The following BAZ2B variants were observed in gnomAD, a reference collection of about 807,000 sequenced individuals.
BAZ2B encodes bromodomain adjacent to zinc finger domain protein 2B.
BAZ2B carries 91 observed loss-of-function variants against 246.0 expected under a neutral mutation model. That is an observed-to-expected ratio of 0.37 (90% confidence interval 0.31 to 0.44). BAZ2B has a LOEUF of 0.44. Ranked by LOEUF, BAZ2B falls within the 20% of genes least tolerant of loss-of-function variation. The pLI, the probability that BAZ2B is intolerant of heterozygous loss-of-function variation, is 1.00. For synonymous variants in BAZ2B, 855 were observed against 860.0 expected (o/e 0.99, Z 0.10); for missense variants, 2,332 against 2,533.7 (o/e 0.92, Z 1.71).
At position 159,398,834 on chromosome 2, in the gene BAZ2B, T is replaced by A. The variant is rs777860227; in HGVS notation, c.2959A>T (p.Ile987Leu). ...NAKLLEAEKR[I>L]KEKEMRRQQA... ...TGATTCTCATCTAAACTAACCTTTA[T>A]TCGTTTCTCGGCCTCCAATAATTTG... is the stretch of plus-strand genomic sequence containing the variant. Residue 987 changes from isoleucine (I) to leucine (L), a missense_variant, in exon 18 of 37, where the codon ATA becomes TTA. Ile to Leu is a conservative substitution (Grantham distance 5). This residue lies in a region of BAZ2B where 328 missense variants were observed against 410.4 expected (regional missense o/e 0.80). Transcript: ENST00000392783. 12 of 1,610,752 alleles carry A rather than the reference T, an allele frequency of 7.4e-6. No individual in the cohort carries two copies. The South Asian group carries it at 1.1e-4, about 15-fold the overall frequency.
At chr2:159,548,801 A>G (rs572629440) in intron 2 of BAZ2B, among the ~76,000 whole-genome samples, 32 of 152,248 alleles carry the variant, frequency 2.1e-4, no homozygotes, top group South Asian at 1.5e-3. Flanking sequence ...CCTGTTTCTA[A>G]AAATAAAAAC....
the BAZ2B span, among the ~76,000 whole-genome samples, chr2:159,700,774 T>C: frequency 6.6e-6 from 1 of 152,172 alleles, no homozygotes; most frequent in African/African-American, 2.4e-5. Context: ...TGTTTTTTTT[T>C]CCTTGAATAT....
intron 2 of BAZ2B, among the ~76,000 whole-genome samples, chr2:159,523,597 G>A (rs981254902): frequency 6.6e-6 from 1 of 151,890 alleles, no homozygotes; most frequent in Admixed American, 6.6e-5. Flanking sequence ...CCAGCTGCTC[G>A]GGAGGCTGAG....
chr2:159,655,245 CA>C, the BAZ2B span, among the ~76,000 whole-genome samples: 3 of 152,128 alleles, frequency 2.0e-5, no homozygotes, highest in African/African-American at 7.2e-5. Flanking sequence ...GCTAAAAATA[CA>C]AAAATCTCTG....
At chr2:159,699,673 C>T in the BAZ2B span, among the ~76,000 whole-genome samples, 3 of 152,266 alleles carry the variant, frequency 2.0e-5, no homozygotes, top group East Asian at 5.8e-4. Context: ...TCAGTCACTC[C>T]TAATGTTGCT....
the BAZ2B span, among the ~76,000 whole-genome samples, chr2:159,691,720 A>T: frequency 6.6e-6 from 1 of 152,200 alleles, no homozygotes; most frequent in Admixed American, 6.5e-5. Flanking sequence ...GTGTTACTCA[A>T]GGTTTACGGT....
chr2:159,451,052 A>G (rs763979251), intron 4 of BAZ2B, among the ~76,000 whole-genome samples: 11 of 152,180 alleles, frequency 7.2e-5, no homozygotes, highest in Non-Finnish European at 1.0e-4. Context: ...CAAAGATTCT[A>G]TTAATAATAT....
At chr2:159,359,679 T>C (rs940336173) in intron 27 of BAZ2B, among the ~76,000 whole-genome samples, 1 of 152,184 alleles carries the variant, frequency 6.6e-6, no homozygotes, top group Non-Finnish European at 1.5e-5. Context: ...CCAATATCCC[T>C]GATGAACATC....
intron 27 of BAZ2B, 39 bp from the exon 28 acceptor site, chr2:159,350,396 A>G (rs772882988): frequency 3.5e-6 from 5 of 1,417,688 alleles, no homozygotes. Flanking sequence ...CAGTTACTCC[A>G]GATCAAACCA....
intron 34 of BAZ2B, among the ~76,000 whole-genome samples, chr2:159,330,091 A>G (rs1017091071): frequency 2.6e-5 from 4 of 152,238 alleles, no homozygotes; most frequent in Non-Finnish European, 5.9e-5. Flanking sequence ...TAATCAAAAA[A>G]TGACTATTAG....
At chr2:159,577,547 T>A (rs1422093320) in intron 1 of BAZ2B, among the ~76,000 whole-genome samples, 1 of 152,180 alleles carries the variant, frequency 6.6e-6, no homozygotes, top group Non-Finnish European at 1.5e-5. Flanking sequence ...CTTGGTCCAA[T>A]GATTGTTTTC....
At chr2:159,574,152 C>T (rs1343838614) in intron 1 of BAZ2B, among the ~76,000 whole-genome samples, 31 of 150,934 alleles carry the variant, frequency 2.1e-4, no homozygotes, top group East Asian at 1.4e-3. Context: ...TACACACACA[C>T]ACACACACAC....
At chr2:159,480,907 T>C (rs1187968163) in intron 2 of BAZ2B, among the ~76,000 whole-genome samples, 1 of 152,130 alleles carries the variant, frequency 6.6e-6, no homozygotes. Flanking sequence ...TAGGTATTTT[T>C]AGCCTAAGAT....
chr2:159,337,910 A>G (rs897570006), intron 31 of BAZ2B, 138 bp from the exon 32 acceptor site: 11 of 778,354 alleles, frequency 1.4e-5, no homozygotes, highest in Admixed American at 1.0e-4. Context: ...TGTGTTTCCT[A>G]AAACTAGGTG....
intron 2 of BAZ2B, among the ~76,000 whole-genome samples, chr2:159,549,440 T>C (rs983078628): frequency 6.6e-6 from 1 of 152,188 alleles, no homozygotes; most frequent in African/African-American, 2.4e-5. Flanking sequence ...AAACGTTTCT[T>C]GATCCCCTGT....
intron 2 of BAZ2B, among the ~76,000 whole-genome samples, chr2:159,485,969 A>G (rs2079786860): frequency 6.6e-6 from 1 of 152,220 alleles, no homozygotes; most frequent in Admixed American, 6.5e-5. Context: ...CTATTCAGAG[A>G]GTATCCCTTT....
intron 36 of BAZ2B, among the ~76,000 whole-genome samples, chr2:159,323,141 T>C (rs1014842713): frequency 5.3e-5 from 8 of 151,850 alleles, no homozygotes; most frequent in African/African-American, 1.9e-4. Context: ...TACACCACCA[T>C]GCCCAGCTAA....
chr2:159,704,245 C>A, the BAZ2B span, among the ~76,000 whole-genome samples: 7 of 152,114 alleles, frequency 4.6e-5, no homozygotes, highest in Admixed American at 2.0e-4. Flanking sequence ...TACAAAAGTA[C>A]AGATGAGGTG....
Position 159,385,149 on chromosome 2 carries a change from G to A in BAZ2B, c.3686+6C>T, listed in dbSNP as rs201434360. The A allele has an allele frequency of 4.4e-6, 7 of 1,607,412 alleles. No individual in the cohort carries two copies. Among genetic ancestry groups the A allele is most frequent in the Non-Finnish European group, 6.0e-6 (7 of 1,174,466 alleles). ...AAATCACGGAAAAGCCTGGGCATATGCTCACCTGACCACACTCTTGCTGCA... is the reference window on the plus strand; with the variant it reads ...AAATCACGGAAAAGCCTGGGCATATACTCACCTGACCACACTCTTGCTGCA... On this transcript the variant is annotated splice_donor_region_variant and intron_variant, in intron 23 of 36. Coordinates refer to ENST00000392783, the MANE Select transcript of BAZ2B (RefSeq NM_013450.4).
Sources: gnomAD v4.1 joint callset for allele counts (sites outside exome capture counted in the v4.1 genomes callset) on GRCh38, gnomAD v4.1.1 for gene constraint, gnomAD v4.1.1 regional missense constraint, MANE v1.5 for transcripts, NCBI Gene and HGNC (gene_info 2026-07-23, HGNC 2026-07-21) for gene names.